Variants in MAF observed in about 807,000 individuals in gnomAD.
MAF encodes transcription factor Maf.
Under a neutral mutation model 22.0 loss-of-function variants are expected in MAF, and 10 were observed. The ratio of observed to expected loss-of-function variants is 0.45; its 90% CI spans 0.28 to 0.77. The LOEUF (loss-of-function observed/expected upper bound fraction) is 0.77. MAF is among the 30% of genes least tolerant of loss of function. The pLI, the probability that MAF is intolerant of heterozygous loss-of-function variation, is 0.12. For synonymous variants in MAF, 337 were observed against 255.8 expected (o/e 1.32, Z -3.03); for missense variants, 544 against 548.4 (o/e 0.99, Z 0.08).
chr16:79,480,974 C>G, the MAF span, among the ~76,000 whole-genome samples: 1 of 152,114 alleles, frequency 6.6e-6, no homozygotes, highest in Non-Finnish European at 1.5e-5. Context: ...AAAAAAGCAC[C>G]CCCAACTCCA....
the MAF span, among the ~76,000 whole-genome samples, chr16:79,479,067 G>A: frequency 6.7e-6 from 1 of 150,314 alleles, no homozygotes; most frequent in Non-Finnish European, 1.5e-5. Context: ...CACCACTCTA[G>A]CACATTGGTA....
chr16:79,385,646 A>T, the MAF span, among the ~76,000 whole-genome samples: 1 of 152,206 alleles, frequency 6.6e-6, no homozygotes, highest in African/African-American at 2.4e-5. Context: ...CATGCCTATA[A>T]TCCCAGCACT....
At chr16:79,290,782 G>A in the MAF span, among the ~76,000 whole-genome samples, 3 of 152,026 alleles carry the variant, frequency 2.0e-5, no homozygotes, top group Non-Finnish European at 4.4e-5. Flanking sequence ...GGCGAATTTG[G>A]TGTTTCTCAA....
the MAF span, among the ~76,000 whole-genome samples, chr16:79,569,645 A>G: frequency 1.6e-4 from 24 of 152,354 alleles, no homozygotes; most frequent in Non-Finnish European, 2.6e-4. Context: ...GTGCCTTAGA[A>G]CAGTGCTTCT....
the MAF span, among the ~76,000 whole-genome samples, chr16:79,537,678 A>G: frequency 6.6e-6 from 1 of 152,216 alleles, no homozygotes; most frequent in Non-Finnish European, 1.5e-5. Context: ...GCTCCTAGAA[A>G]TACTTCAGAT....
the MAF span, among the ~76,000 whole-genome samples, chr16:79,440,477 C>G: frequency 6.6e-6 from 1 of 152,172 alleles, no homozygotes; most frequent in Non-Finnish European, 1.5e-5. Flanking sequence ...CGTTTGGTCA[C>G]CAGGCTGCAG....
At chr16:79,365,686 T>G in the MAF span, among the ~76,000 whole-genome samples, 1 of 152,136 alleles carries the variant, frequency 6.6e-6, no homozygotes. Flanking sequence ...CTAGGCTGAA[T>G]TGGCTGAGAT....
the MAF span, among the ~76,000 whole-genome samples, chr16:79,219,965 C>T: frequency 6.6e-6 from 1 of 152,124 alleles, no homozygotes; most frequent in Non-Finnish European, 1.5e-5. Context: ...AACTAATGTT[C>T]TGTTAAACAA....
chr16:79,287,783 A>G, the MAF span, among the ~76,000 whole-genome samples: 2 of 151,818 alleles, frequency 1.3e-5, no homozygotes, highest in Admixed American at 6.6e-5. Context: ...CCATTCATTC[A>G]CTCACTCATT....
At chr16:79,362,939 G>A in the MAF span, among the ~76,000 whole-genome samples, 2 of 151,974 alleles carry the variant, frequency 1.3e-5, no homozygotes, top group Non-Finnish European at 2.9e-5. Flanking sequence ...CCTGCATTAA[G>A]CTTCTTTTAT....
chr16:79,324,480 G>A, the MAF span, among the ~76,000 whole-genome samples: 3 of 152,222 alleles, frequency 2.0e-5, no homozygotes, highest in African/African-American at 4.8e-5. Context: ...TTAGCAGGGG[G>A]CCCTAGAACC....
chr16:79,460,017 C>T, the MAF span, among the ~76,000 whole-genome samples: 1 of 152,138 alleles, frequency 6.6e-6, no homozygotes, highest in African/African-American at 2.4e-5. Context: ...CCAGGTTAAC[C>T]TCCAAAAAGG....
the MAF span, among the ~76,000 whole-genome samples, chr16:79,461,191 G>A: frequency 6.6e-6 from 1 of 152,156 alleles, no homozygotes; most frequent in South Asian, 2.1e-4. Context: ...AATGCAGATG[G>A]CTGTAGGATT....
the MAF span, among the ~76,000 whole-genome samples, chr16:79,517,344 T>C: frequency 0.2 from 30,802 of 152,212 alleles, 3,240 homozygotes; most frequent in Non-Finnish European, 0.25. Flanking sequence ...GACATGCCGA[T>C]GGCTTGCTCA....
At chr16:79,278,631 T>C in the MAF span, among the ~76,000 whole-genome samples, 7 of 152,114 alleles carry the variant, frequency 4.6e-5, no homozygotes, top group African/African-American at 1.7e-4. Context: ...GCAAGAGCTG[T>C]TTCTAGCCTC....
At chr16:79,211,624 C>T in the MAF span, 11 of 1,614,218 alleles carry the variant, frequency 6.8e-6, no homozygotes, top group African/African-American at 1.3e-5. Flanking sequence ...GGAGCTGCCA[C>T]CACCGTGTAC....
the MAF span, chr16:79,203,064 G>C: frequency 6.6e-6 from 1 of 152,102 alleles, no homozygotes; most frequent in African/African-American, 2.4e-5. Context: ...TTATTTACCC[G>C]GGCAATTAAA....
the MAF span, among the ~76,000 whole-genome samples, chr16:79,255,038 C>G: frequency 6.6e-6 from 1 of 152,168 alleles, no homozygotes; most frequent in Non-Finnish European, 1.5e-5. Flanking sequence ...ACTCTGGATC[C>G]TTGCCTACCA....
At chr16:79,313,553 G>A in the MAF span, among the ~76,000 whole-genome samples, 3 of 152,168 alleles carry the variant, frequency 2.0e-5, no homozygotes, top group African/African-American at 7.2e-5. Context: ...CAAACACTCT[G>A]AATCTTAAGA....
Sources: gnomAD v4.1 joint callset for allele counts (sites outside exome capture counted in the v4.1 genomes callset) on GRCh38, gnomAD v4.1.1 for gene constraint, MANE v1.5 for transcripts, NCBI Gene and HGNC (gene_info 2026-07-23, HGNC 2026-07-21) for gene names.